Variants in PM20D1 observed in about 807,000 individuals in gnomAD.
The protein encoded by PM20D1 is N-fatty-acyl-amino acid synthase/hydrolase PM20D1.
In PM20D1, 53 loss-of-function variants were observed where a neutral mutation model predicts 53.8. The ratio of observed to expected loss-of-function variants is 0.98; its 90% confidence interval spans 0.79 to 1.24. The LOEUF (loss-of-function observed/expected upper bound fraction) is 1.24. Among genes scored for constraint, PM20D1 ranks in the 50% most tolerant of loss-of-function variants. The pLI, the probability that PM20D1 is intolerant of heterozygous loss-of-function variation, is 0.00. For missense variants in PM20D1, 564 were observed against 616.8 expected (o/e 0.91, Z 0.91); for synonymous variants, 239 against 241.3 (o/e 0.99, Z 0.09).
chr1:205,848,997 T>C (rs1657067642), intron 1 of PM20D1, among the ~76,000 whole-genome samples: 1 of 152,254 alleles, frequency 6.6e-6, no homozygotes, highest in Non-Finnish European at 1.5e-5. Context: ...GGCTGTCTAA[T>C]GCCTTTTAGA....
At chr1:205,837,013 C>T (rs1317117916) in intron 10 of PM20D1, among the ~76,000 whole-genome samples, 5 of 152,218 alleles carry the variant, frequency 3.3e-5, no homozygotes, top group Admixed American at 2.6e-4. Flanking sequence ...AAGGACCTCA[C>T]TGCTGTACTT....
intron 1 of PM20D1, 37 bp downstream of exon 1, chr1:205,849,867 A>C: frequency 6.4e-7 from 1 of 1,574,728 alleles, no homozygotes; most frequent in Non-Finnish European, 8.7e-7. Context: ...AGGGACCCAC[A>C]TATGAGCATA....
chr1:205,835,651 C>CAAAA (rs59126866), intron 10 of PM20D1, among the ~76,000 whole-genome samples: 46 of 55,562 alleles, frequency 8.3e-4, no homozygotes, highest in African/African-American at 1.0e-3. Flanking sequence ...GACTCCGACT[C>CAAAA]AAAAAAAAAA....
Position 205,845,317 on chromosome 1 carries a change from T to A in PM20D1, c.489+8A>T. 1 of 1,611,744 alleles carries A rather than the reference T, an allele frequency of 6.2e-7. No homozygotes were observed. The highest frequency in any genetic ancestry group is 8.5e-7 in the Non-Finnish European group (1 of 1,177,798). ...GCCCCAAGGCAGAGGGAACATTGCA[T>A]CTCAGACCATCACAGAGTTCTTGTC... On this transcript the variant is annotated splice_region_variant and intron_variant, in intron 3 of 12. Coordinates refer to ENST00000367136, the MANE Select transcript of PM20D1 (RefSeq NM_152491.5).
chr1:205,843,848 C>T lies in PM20D1; in HGVS notation c.708-62G>A. On this transcript the variant is annotated intron_variant, in intron 5 of 12. Transcript: ENST00000367136. ...TTGCCTCTCTGAATTCTCCCATAGGCCCATAGGTCCATCTGTGCAATAGTC... is the reference window on the plus strand; with the variant it reads ...TTGCCTCTCTGAATTCTCCCATAGGTCCATAGGTCCATCTGTGCAATAGTC... The T allele has an allele frequency of 4.4e-6, 7 of 1,581,392 alleles. No individual in the cohort carries two copies. In the South Asian group the frequency reaches 4.7e-5, roughly 11 times the overall value.
intron 12 of PM20D1, 65 bp from the exon 13 acceptor site, chr1:205,828,808 C>T (rs1278592322): frequency 3.8e-6 from 6 of 1,591,310 alleles, no homozygotes; most frequent in Non-Finnish European, 4.3e-6. Flanking sequence ...CAAGTGTTAT[C>T]ACAGAGCACT....
intron 10 of PM20D1, among the ~76,000 whole-genome samples, chr1:205,833,778 C>T (rs900673503): frequency 6.6e-5 from 10 of 152,146 alleles, no homozygotes; most frequent in Non-Finnish European, 1.0e-4. Flanking sequence ...TTAAAACTGC[C>T]TCTGCTCTAG....
intron 12 of PM20D1, chr1:205,829,893 CAT>C (rs1266021952): frequency 1.7e-5 from 3 of 179,826 alleles, no homozygotes; most frequent in South Asian, 1.4e-4. Flanking sequence ...CCTTTGACCT[CAT>C]ATGTGTCTGC....
At chr1:205,845,210 C>A in intron 3 of PM20D1, 115 bp downstream of exon 3, 3 of 1,069,202 alleles carry the variant, frequency 2.8e-6, no homozygotes, top group South Asian at 3.0e-5. Context: ...GAACCCAGGT[C>A]TCCTGGAGCC....
rs1656480841 is a variant in PM20D1 at position 205,828,085 on chromosome 1, G to C, written c.*535C>G. On this transcript the variant is annotated 3_prime_UTR_variant, in exon 13 of 13. Coordinates refer to ENST00000367136, the MANE Select transcript of PM20D1 (RefSeq NM_152491.5). The stretch of plus-strand genomic sequence containing the variant: ...GACAATTATGGTAGTATCACAGTTT[G>C]GGTAAGTCCAGGTCCAGAAGTAGAA... 6.5e-6 allele frequency: 1 copy of C among 153,080 alleles called. No homozygotes were observed. The highest frequency in any genetic ancestry group is 1.5e-5 in the Non-Finnish European group (1 of 68,736). The allele number at this position is 153,080 out of a possible 1,614,324, so 9.5% of individuals were successfully genotyped here.
At chr1:205,847,549 G>T (rs71524489) in intron 2 of PM20D1, among the ~76,000 whole-genome samples, 1 of 127,376 alleles carries the variant, frequency 7.9e-6, no homozygotes, top group South Asian at 2.8e-4. Context: ...AGGTAGGGGT[G>T]GGAGGAGCAT....
At chr1:205,845,260 G>T in intron 3 of PM20D1, 65 bp downstream of exon 3, 1 of 1,508,890 alleles carries the variant, frequency 6.6e-7, no homozygotes, top group Non-Finnish European at 9.2e-7. Context: ...CCCAGGGTCA[G>T]CCAAGCACCC....
At chr1:205,844,045 T>G in intron 5 of PM20D1, 42 bp downstream of exon 5, 34 of 1,572,982 alleles carry the variant, frequency 2.2e-5, no homozygotes, top group Non-Finnish European at 2.6e-5. Context: ...TCAAATGGGG[T>G]GAGAATTCCC....
chr1:205,843,740 T>G lies in PM20D1; in HGVS notation c.754A>C (p.Asn252His). 6 of 1,614,158 alleles carry G rather than the reference T, an allele frequency of 3.7e-6. No individual in the cohort carries two copies. Among genetic ancestry groups the G allele is most frequent in the Non-Finnish European group, 5.1e-6 (6 of 1,180,024 alleles). ...GCTGAAGAGTGGCCTGAAGTCATGT[T>G]TACTTGCAGCATGAGGTTCATGGAA... ...KGSMNLMLQVNMTSGHSSAPP... is the reference protein window; with the variant it reads ...KGSMNLMLQVHMTSGHSSAPP... Residue 252 changes from asparagine to histidine, a missense_variant, in exon 6 of 13, where the codon AAC (asparagine) becomes CAC (histidine). By Grantham distance (68) the Asn-to-His change is moderately conservative. Transcript: ENST00000367136.
intron 8 of PM20D1, 91 bp from the exon 9 acceptor site, chr1:205,841,980 G>T (rs746199622): frequency 7.7e-7 from 1 of 1,301,088 alleles, no homozygotes; most frequent in Non-Finnish European, 1.1e-6. Flanking sequence ...GAACCTTGGG[G>T]ATCTTTAAGA....
intron 10 of PM20D1, among the ~76,000 whole-genome samples, chr1:205,835,503 T>A (rs556058232): frequency 2.7e-4 from 41 of 151,870 alleles, no homozygotes; most frequent in Non-Finnish European, 4.9e-4. Context: ...ATACAAAAAA[T>A]TAGCTGGGCG....
At position 205,828,484 on chromosome 1, in the gene PM20D1, G is replaced by GT; in HGVS notation, c.*135dup. 2 of 1,290,000 alleles carry GT rather than the reference G, an allele frequency of 1.6e-6. No individual in the cohort carries two copies. The highest frequency in any genetic ancestry group is 1.5e-5 in the South Asian group (1 of 66,570). The allele number at this position is 1,290,000 out of a possible 1,614,324, so 79.9% of individuals were successfully genotyped here. On this transcript the variant is annotated 3_prime_UTR_variant, in exon 13 of 13. Transcript: ENST00000367136. The stretch of plus-strand genomic sequence containing the variant: ...TTACCCCGGCCTTGTTCTTGGGAGA[G>GT]TTTAAGAGTGAGCAAGACAGATGGG...
chr1:205,831,936 C>A lies in PM20D1; in HGVS notation c.1285+662G>T, dbSNP rs559434916. On this transcript the variant is annotated intron_variant, in intron 11 of 12. Coordinates refer to ENST00000367136, the MANE Select transcript of PM20D1 (RefSeq NM_152491.5). Reference sequence around the variant, plus strand: ...ACTATAGTTAGTCATCACCTTGTGTCAGAATCTCCTGGGGGTATTTGTGAA... The same window carrying A: ...ACTATAGTTAGTCATCACCTTGTGTAAGAATCTCCTGGGGGTATTTGTGAA... 7.2e-5 allele frequency among the ~76,000 whole-genome samples: 11 copies of A among 152,286 alleles called. No homozygotes were observed. The South Asian group carries it at 2.3e-3, about 32-fold the overall frequency.
At chr1:205,829,027 C>T (rs1180597511) in intron 12 of PM20D1, among the ~76,000 whole-genome samples, 10 of 152,080 alleles carry the variant, frequency 6.6e-5, no homozygotes, top group Non-Finnish European at 1.0e-4. Flanking sequence ...ATTTGTCCTC[C>T]GGGAGAATTA....
Sources: gnomAD v4.1 joint callset for allele counts (sites outside exome capture counted in the v4.1 genomes callset) on GRCh38, gnomAD v4.1.1 for gene constraint, MANE v1.5 for transcripts, NCBI Gene and HGNC (gene_info 2026-07-23, HGNC 2026-07-21) for gene names.